TANC2: variants seen among roughly 807,000 people sequenced by gnomAD.
TANC2 encodes the protein protein TANC2.
In TANC2, 26 loss-of-function variants were observed where a neutral mutation model predicts 210.5. The observed-to-expected ratio is 0.12, with a 90% CI of 0.09 to 0.17. The LOEUF (loss-of-function observed/expected upper bound fraction) is 0.17. Among genes scored for constraint, TANC2 ranks in the 10% least tolerant of loss-of-function variants. The pLI is 1.00. For synonymous variants in TANC2, 931 were observed against 967.1 expected (o/e 0.96, Z 0.69); for missense variants, 2,129 against 2,608.9 (o/e 0.82, Z 4.01).
At chr17:63,063,134 A>G (rs1346466117) in intron 2 of TANC2, among the ~76,000 whole-genome samples, 4 of 152,216 alleles carry the variant, frequency 2.6e-5, no homozygotes, top group Admixed American at 2.0e-4. Context: ...TGTTTATTAT[A>G]AAACAATATG....
In TANC2 at chr17:63,248,904, A is replaced by G. The variant is rs560640894; in HGVS notation, c.1033+10827A>G. On this transcript the variant is annotated intron_variant, in intron 8 of 27. Transcript: ENST00000689528. ...ATATTTTTCTAAGCTTTTAACTTAC[A>G]TATGACATAAATGGAAGAAATATAT... 5.9e-5 allele frequency among the ~76,000 whole-genome samples: 9 copies of G among 152,292 alleles called. No homozygotes were observed. The East Asian group carries it at 1.7e-3, about 29-fold the overall frequency.
chr17:63,120,539 G>A (rs988655534), intron 4 of TANC2: 3 of 152,076 alleles, frequency 2.0e-5, no homozygotes, highest in African/African-American at 7.2e-5. Flanking sequence ...TTCAAGGCCA[G>A]GTGGTGACTC....
chr17:63,319,990 A>C (rs1285980582), intron 11 of TANC2, among the ~76,000 whole-genome samples: 4 of 152,144 alleles, frequency 2.6e-5, no homozygotes, highest in Non-Finnish European at 5.9e-5. Context: ...ATTGCTTCTT[A>C]TTATGGATGA....
chr17:63,358,975 T>TG (rs1358734144), intron 14 of TANC2, among the ~76,000 whole-genome samples: 2 of 114,678 alleles, frequency 1.7e-5, no homozygotes, highest in South Asian at 2.7e-4. Context: ...CAGATTAATA[T>TG]TTGTGTGTGT....
chr17:63,300,643 T>G (rs1376710269), intron 9 of TANC2, among the ~76,000 whole-genome samples: 1 of 152,200 alleles, frequency 6.6e-6, no homozygotes, highest in Admixed American at 6.5e-5. Flanking sequence ...TCCTGAGACT[T>G]TGTTGAAGTT....
At chr17:63,086,011 G>T (rs752319445) in intron 3 of TANC2, among the ~76,000 whole-genome samples, 1 of 151,366 alleles carries the variant, frequency 6.6e-6, no homozygotes, top group Non-Finnish European at 1.5e-5. Context: ...ATTCTGCAGG[G>T]TATAGAATTC....
Position 63,099,157 on chromosome 17 carries a change from TC to T in TANC2, c.140-16del. 1 of 1,608,404 alleles carries T rather than the reference TC, an allele frequency of 6.2e-7. No homozygotes were observed. Among genetic ancestry groups the T allele is most frequent in the Non-Finnish European group, 8.5e-7 (1 of 1,177,104 alleles). On this transcript the variant is annotated splice_polypyrimidine_tract_variant and intron_variant, in intron 3 of 27. Coordinates refer to ENST00000689528, the Ensembl canonical transcript of TANC2. Reference sequence around the variant, plus strand: ...GATCTTTTCTCACCAGCTCTTTTGTTCCATCCCCTTCTAACAGGTGGCATCT... The same window carrying T: ...GATCTTTTCTCACCAGCTCTTTTGTTCATCCCCTTCTAACAGGTGGCATCT...
At chr17:63,354,651 C>T (rs968908596) in intron 13 of TANC2, 132 bp from the exon 14 acceptor site, 5 of 1,181,832 alleles carry the variant, frequency 4.2e-6, no homozygotes, top group East Asian at 4.9e-5. Flanking sequence ...TTTTTGGATA[C>T]TAATACTTGA....
chr17:63,220,720 ATAT>A (rs1292523655), intron 7 of TANC2, among the ~76,000 whole-genome samples: 4 of 107,074 alleles, frequency 3.7e-5, no homozygotes, highest in African/African-American at 2.0e-4. Context: ...AAAAAAAAAA[ATAT>A]ATATATATAT....
At chr17:63,331,070 C>T in intron 11 of TANC2, among the ~76,000 whole-genome samples, 1 of 152,170 alleles carries the variant, frequency 6.6e-6, no homozygotes, top group East Asian at 1.9e-4. Context: ...GAGTGAAACT[C>T]CATCCCAAAA....
intron 17 of TANC2, 71 bp downstream of exon 17, chr17:63,389,615 C>G (rs1007744573): frequency 9.5e-6 from 13 of 1,372,916 alleles, no homozygotes; most frequent in Non-Finnish European, 1.2e-5. Flanking sequence ...TTTCTTATCT[C>G]CAGTGTTACT....
chr17:63,108,896 A>G (rs2037926950), intron 4 of TANC2, among the ~76,000 whole-genome samples: 1 of 151,672 alleles, frequency 6.6e-6, no homozygotes, highest in African/African-American at 2.4e-5. Flanking sequence ...TACAATGCAC[A>G]TATTTTTCAT....
intron 8 of TANC2, among the ~76,000 whole-genome samples, chr17:63,267,510 A>G (rs1462463326): frequency 6.6e-6 from 1 of 152,196 alleles, no homozygotes; most frequent in Non-Finnish European, 1.5e-5. Context: ...CTTAGCAAGC[A>G]CAGGTTTATT....
At position 63,046,325 on chromosome 17, in the gene TANC2, C is replaced by CTTTTTTTTTTTTTTTTTTTTT. The variant is rs57550590; in HGVS notation, c.68-27614_68-27594dup. ...CAGGTGCGTGCCACCACACCCAGCT[C>CTTTTTTTTTTTTTTTTTTTTT]TTTTTTTTTTTTTTTTTTTTTTTTG... On this transcript the variant is annotated intron_variant, in intron 2 of 27. Transcript: ENST00000689528. 4.1e-4 allele frequency among the ~76,000 whole-genome samples: 18 copies of CTTTTTTTTTTTTTTTTTTTTT among 44,142 alleles called. 5 individuals are homozygous for CTTTTTTTTTTTTTTTTTTTTT. The highest frequency in any genetic ancestry group is 9.4e-4 in the African/African-American group (8 of 8,536). 29.0% of individuals were successfully genotyped at this position (44,142 alleles called of 152,430 possible).
At chr17:63,057,947 C>T (rs1237116956) in intron 2 of TANC2, among the ~76,000 whole-genome samples, 1 of 152,002 alleles carries the variant, frequency 6.6e-6, no homozygotes, top group Non-Finnish European at 1.5e-5. Flanking sequence ...TGGGTATATA[C>T]CCAGTAGTGG....
intron 1 of TANC2, among the ~76,000 whole-genome samples, chr17:62,986,562 C>G (rs1444028249): frequency 6.6e-6 from 1 of 151,682 alleles, no homozygotes; most frequent in African/African-American, 2.4e-5. Context: ...TGTCCAGCTG[C>G]TTGGCTGGCC....
intron 8 of TANC2, among the ~76,000 whole-genome samples, chr17:63,247,270 T>C (rs1427397669): frequency 6.6e-6 from 1 of 152,094 alleles, no homozygotes; most frequent in Non-Finnish European, 1.5e-5. Context: ...ATGTCAAATT[T>C]TGGTGAGGTC....
At chr17:63,239,087 G>T (rs2042701894) in intron 8 of TANC2, among the ~76,000 whole-genome samples, 1 of 151,726 alleles carries the variant, frequency 6.6e-6, no homozygotes, top group Non-Finnish European at 1.5e-5. Context: ...GCTGAGGCAG[G>T]AGGATTCCTT....
chr17:63,176,968 A>G (rs1000154758), intron 5 of TANC2, among the ~76,000 whole-genome samples: 1 of 151,960 alleles, frequency 6.6e-6, no homozygotes, highest in Non-Finnish European at 1.5e-5. Flanking sequence ...ATTTATCAAA[A>G]TTTACTGAAT....
Sources: allele counts gnomAD v4.1 joint callset (sites outside exome capture counted in the v4.1 genomes callset), GRCh38; gene constraint gnomAD v4.1.1; transcripts MANE v1.5; gene names NCBI Gene and HGNC (gene_info 2026-07-23, HGNC 2026-07-21).